The following PCDHGA2 variants were observed in gnomAD, a reference collection of about 807,000 sequenced individuals.
PCDHGA2 encodes the protein protocadherin gamma subfamily A, 2.
In PCDHGA2, 40 loss-of-function variants were observed where a neutral mutation model predicts 59.2. The observed-to-expected ratio is 0.68, with a 90% CI of 0.52 to 0.88. The LOEUF (loss-of-function observed/expected upper bound fraction) is 0.88. Among genes scored for constraint, PCDHGA2 ranks in the 40% least tolerant of loss-of-function variants. PCDHGA2 has a pLI of 0.00. For synonymous variants in PCDHGA2, 560 were observed against 526.0 expected (o/e 1.06, Z -0.89); for missense variants, 1,226 against 1,204.0 (o/e 1.02, Z -0.27).
intron 1 of PCDHGA2, chr5:141,394,449 A>T: frequency 6.2e-7 from 1 of 1,614,230 alleles, no homozygotes; most frequent in Non-Finnish European, 8.5e-7. Context: ...CAGCAGCAAC[A>T]TGTCACTGAG....
At chr5:141,421,974 C>T in intron 1 of PCDHGA2, 3 of 1,609,644 alleles carry the variant, frequency 1.9e-6, no homozygotes, top group African/African-American at 1.3e-5. Flanking sequence ...CCGTATATCG[C>T]GTGAGTGTTC....
chr5:141,510,251 C>G (rs569804850), intron 3 of PCDHGA2, among the ~76,000 whole-genome samples: 1 of 144,724 alleles, frequency 6.9e-6, no homozygotes, highest in African/African-American at 2.6e-5. Flanking sequence ...CCAGGCTGGG[C>G]GACAGAGCAG....
intron 1 of PCDHGA2, chr5:141,364,783 G>T (rs1763536521): frequency 6.2e-7 from 1 of 1,614,030 alleles, no homozygotes; most frequent in East Asian, 2.2e-5. Context: ...CAGGGACACG[G>T]TTAGTGCTTC....
chr5:141,387,763 A>T, intron 1 of PCDHGA2: 2 of 1,425,584 alleles, frequency 1.4e-6, no homozygotes, highest in South Asian at 1.5e-5. Context: ...GAAAAAGAAG[A>T]ATTTTTTCTT....
intron 1 of PCDHGA2, chr5:141,427,973 C>G (rs754410723): frequency 3.1e-6 from 5 of 1,593,936 alleles, no homozygotes; most frequent in Non-Finnish European, 3.4e-6. Flanking sequence ...TGCTGTACCC[C>G]GCGCTGGGGC....
Position 141,382,943 on chromosome 5 carries a change from T to C in PCDHGA2, c.2424+41548T>C, listed in dbSNP as rs766692143. On this transcript the variant is annotated intron_variant, in intron 1 of 3. Coordinates refer to ENST00000394576, the MANE Select transcript of PCDHGA2 (RefSeq NM_018915.4). The stretch of plus-strand genomic sequence containing the variant: ...GGCGGGGACTACAGAGGATTCTTCC[T>C]GCTCTCCATCCTCCTGGGGACCCCC... 2.6e-5 allele frequency: 42 copies of C among 1,596,066 alleles called. No individual in the cohort carries two copies. Among genetic ancestry groups the C allele is most frequent in the Non-Finnish European group, 3.5e-5 (41 of 1,169,148 alleles).
chr5:141,379,723 G>A (rs1250250274), intron 1 of PCDHGA2: 1 of 152,038 alleles, frequency 6.6e-6, no homozygotes, highest in Non-Finnish European at 1.5e-5. Context: ...CATGGAATTT[G>A]CTAAGTTATG....
At chr5:141,475,910 G>A in intron 1 of PCDHGA2, 1 of 588,414 alleles carries the variant, frequency 1.7e-6, no homozygotes, top group South Asian at 2.3e-5. Context: ...GTCGGCCAAT[G>A]AAGACGCTGG....
chr5:141,350,850 T>C (rs760044821), intron 1 of PCDHGA2: 4 of 1,614,072 alleles, frequency 2.5e-6, no homozygotes, highest in East Asian at 4.5e-5. Context: ...GAAAAACCTC[T>C]AGACAGGGAA....
Position 141,476,570 on chromosome 5 carries a change from A to G in PCDHGA2, c.2425-18237A>G. ...GATTAGCGAGGCCGTGGCTCCGGGG[A>G]CGCGCTTTCCGCTCGAGAGCGCGCA... On this transcript the variant is annotated intron_variant, in intron 1 of 3. Transcript: ENST00000394576. The surrounding 1 kb of genome is among the most constrained non-coding windows in gnomAD (Gnocchi z 7.6). 3 of 1,614,114 alleles carry G rather than the reference A, an allele frequency of 1.9e-6. No individual in the cohort carries two copies. The highest frequency in any genetic ancestry group is 2.5e-6 in the Non-Finnish European group (3 of 1,180,012).
chr5:141,476,864 C>T lies in PCDHGA2; in HGVS notation c.2425-17943C>T, dbSNP rs1318457627. ...GCCTGTCTTCAACCAGTCCTTGTAC[C>T]GGGCGCGCGTCCTGGAGGATGCACC... is the stretch of plus-strand genomic sequence containing the variant. On this transcript the variant is annotated intron_variant, in intron 1 of 3. Coordinates refer to ENST00000394576, the MANE Select transcript of PCDHGA2 (RefSeq NM_018915.4). This position sits in a 1 kb window ranked among gnomAD's most constrained non-coding sequence, Gnocchi z 7.6. 4.3e-6 allele frequency: 7 copies of T among 1,613,838 alleles called. No homozygotes were observed. Among genetic ancestry groups the T allele is most frequent in the Non-Finnish European group, 5.9e-6 (7 of 1,180,044 alleles).
intron 2 of PCDHGA2, among the ~76,000 whole-genome samples, chr5:141,497,541 T>A (rs1157403777): frequency 1.1e-5 from 1 of 89,566 alleles, no homozygotes; most frequent in Admixed American, 1.2e-4. Context: ...GCAACAAACC[T>A]TTTTTTTTTT....
rs370704205 is a variant in PCDHGA2, at chr5:141,422,166, T to C, written c.2425-72641T>C. 4.5e-6 allele frequency: 7 copies of C among 1,569,374 alleles called. No individual in the cohort carries two copies. In the South Asian group the frequency reaches 8.5e-5, roughly 19 times the overall value. ...GGGGGTCTCTGGATTTTGAAAAATA[T>C]AGATTCTATGAGATGGAAATTCAAG... On this transcript the variant is annotated intron_variant, in intron 1 of 3. Coordinates refer to ENST00000394576, the MANE Select transcript of PCDHGA2 (RefSeq NM_018915.4).
intron 1 of PCDHGA2, among the ~76,000 whole-genome samples, chr5:141,466,008 G>C (rs1298363274): frequency 6.6e-6 from 1 of 151,970 alleles, no homozygotes; most frequent in Non-Finnish European, 1.5e-5. Flanking sequence ...TGTAGTCCCA[G>C]CTACTCGGGA....
chr5:141,356,257 A>G (rs757847704), intron 1 of PCDHGA2: 1 of 1,569,886 alleles, frequency 6.4e-7, no homozygotes, highest in Admixed American at 1.9e-5. Flanking sequence ...TACATCTCTC[A>G]CCAGCTCAGT....
intron 1 of PCDHGA2, among the ~76,000 whole-genome samples, chr5:141,347,591 AC>A (rs1469588771): frequency 6.6e-6 from 1 of 152,062 alleles, no homozygotes; most frequent in Non-Finnish European, 1.5e-5. Context: ...GTTCAAGAAC[AC>A]CCTGGCCAAC....
At chr5:141,404,782 G>A in intron 1 of PCDHGA2, 1 of 1,613,964 alleles carries the variant, frequency 6.2e-7, no homozygotes. Context: ...GCCTATTCAA[G>A]GCCAGTGAGC....
At chr5:141,375,435 C>A in intron 1 of PCDHGA2, 1 of 1,614,002 alleles carries the variant, frequency 6.2e-7, no homozygotes, top group East Asian at 2.2e-5. Context: ...AACCCGCCCA[C>A]CTTCCCCCAT....
chr5:141,376,372 G>C (rs531227586), intron 1 of PCDHGA2: 2 of 1,614,182 alleles, frequency 1.2e-6, no homozygotes, highest in Admixed American at 1.7e-5. Context: ...CTGCAGACTC[G>C]CGTAAGAGTC....
Sources: allele counts gnomAD v4.1 joint callset (sites outside exome capture counted in the v4.1 genomes callset), GRCh38; gene constraint gnomAD v4.1.1; non-coding constraint Gnocchi (gnomAD v3.1); transcripts MANE v1.5; gene names NCBI Gene and HGNC (gene_info 2026-07-23, HGNC 2026-07-21).